DLGAP2: variants seen among roughly 807,000 people sequenced by gnomAD.
DLGAP2 encodes DLG associated protein 2.
DLGAP2 carries 26 observed loss-of-function variants against 100.3 expected under a neutral mutation model. The observed-to-expected ratio is 0.26, with a 90% CI of 0.19 to 0.36. DLGAP2 has a LOEUF of 0.36. DLGAP2 is among the 10% of genes least tolerant of loss of function. DLGAP2 has a pLI of 1.00. For synonymous variants in DLGAP2, 886 were observed against 630.1 expected, an observed-to-expected ratio of 1.41 and a Z score of -6.08; for missense variants, 1,858 against 1,453.2, an observed-to-expected ratio of 1.28 and a Z score of -4.53.
Position 1,706,827 on chromosome 8 carries a change from C to T in DLGAP2, c.*5421C>T, listed in dbSNP as rs1000332569. 2.0e-5 allele frequency: 3 copies of T among 152,194 alleles called. No individual in the cohort carries two copies. The highest frequency in any genetic ancestry group is 7.2e-5 in the African/African-American group (3 of 41,454). The allele number at this position is 152,194 out of a possible 1,614,324, so 9.4% of individuals were successfully genotyped here. A position where few individuals can be genotyped will look rare whatever the true frequency, so the allele number is the denominator to read the frequency against. On this transcript the variant is annotated 3_prime_UTR_variant, in exon 15 of 15. Coordinates refer to ENST00000637795, the MANE Select transcript of DLGAP2 (RefSeq NM_001346810.2). Reference sequence around the variant, plus strand: ...ACCACGCAAGGGTTTGAGAAGCCCACCCCTCTAATTCCAGGCGTTTGTAAT... The same window carrying T: ...ACCACGCAAGGGTTTGAGAAGCCCATCCCTCTAATTCCAGGCGTTTGTAAT...
At chr8:1,193,189 G>T (rs973232053) in intron 2 of DLGAP2, among the ~76,000 whole-genome samples, 2 of 152,256 alleles carry the variant, frequency 1.3e-5, no homozygotes, top group Middle Eastern at 3.4e-3. Flanking sequence ...TATATAACCG[G>T]TAATGGGATT....
Position 1,549,319 on chromosome 8 carries a change from C to T in DLGAP2, c.866C>T (p.Pro289Leu). 1 of 1,612,986 alleles carries T rather than the reference C, an allele frequency of 6.2e-7. No individual in the cohort carries two copies. The highest frequency in any genetic ancestry group is 8.5e-7 in the Non-Finnish European group (1 of 1,179,674). Residue 289 changes from proline (P) to leucine (L), a missense_variant, in exon 5 of 15, where the codon CCC becomes CTC. By Grantham distance (98) the Pro-to-Leu change is moderately conservative. Transcript: ENST00000637795. ...AAGGAGCGCAAGCCGGAGGGCAAGC[C>T]CCGGCCCGGCATGAGCAGCTGGTGG... ...KSKERKPEGK[P>L]RPGMSSWWSS...
intron 2 of DLGAP2, among the ~76,000 whole-genome samples, chr8:961,065 C>G (rs1011900146): frequency 6.7e-6 from 1 of 148,810 alleles, no homozygotes; most frequent in Non-Finnish European, 1.5e-5. Flanking sequence ...AGTGGTGGCT[C>G]TCTCATGTTG....
chr8:1,057,379 A>G (rs752240598), intron 2 of DLGAP2, among the ~76,000 whole-genome samples: 3 of 152,366 alleles, frequency 2.0e-5, no homozygotes, highest in African/African-American at 4.8e-5. Context: ...TGTTAATCCA[A>G]ACATTCAAAT....
At chr8:1,331,429 A>G (rs1801155567) in intron 3 of DLGAP2, among the ~76,000 whole-genome samples, 1 of 152,020 alleles carries the variant, frequency 6.6e-6, no homozygotes, top group African/African-American at 2.4e-5. Context: ...TCCCCTTTGC[A>G]AACCTGCCCT....
intron 1 of DLGAP2, among the ~76,000 whole-genome samples, chr8:796,604 A>G (rs1484782039): frequency 1.3e-5 from 2 of 152,140 alleles, no homozygotes; most frequent in Non-Finnish European, 2.9e-5. Context: ...CTGCAGCCTC[A>G]GAGCCTAGCA....
intron 3 of DLGAP2, among the ~76,000 whole-genome samples, chr8:1,283,185 C>G (rs992888303): frequency 2.7e-5 from 4 of 149,870 alleles, no homozygotes; most frequent in Non-Finnish European, 5.9e-5. Context: ...GAACCCAGCA[C>G]GTGAACCATC....
chr8:1,438,115 G>C (rs183700992), intron 3 of DLGAP2, among the ~76,000 whole-genome samples: 1 of 152,222 alleles, frequency 6.6e-6, no homozygotes, highest in Non-Finnish European at 1.5e-5. Flanking sequence ...CCAGAAGTCA[G>C]TACTCCTGTC....
At chr8:1,354,413 T>C (rs1801802300) in intron 3 of DLGAP2, among the ~76,000 whole-genome samples, 2 of 152,156 alleles carry the variant, frequency 1.3e-5, no homozygotes, top group Admixed American at 6.5e-5. Flanking sequence ...CTCGGGAGAC[T>C]GAGGCACCAG....
intron 2 of DLGAP2, among the ~76,000 whole-genome samples, chr8:1,209,780 G>T (rs912217281): frequency 7.2e-5 from 11 of 152,146 alleles, no homozygotes; most frequent in Non-Finnish European, 1.0e-4. Flanking sequence ...TTGCACAACT[G>T]TGATGGTCTG....
chr8:926,921 C>G (rs1174501664), intron 2 of DLGAP2: 3 of 693,666 alleles, frequency 4.3e-6, no homozygotes, highest in Non-Finnish European at 5.3e-6. Context: ...CAGGTGTTCC[C>G]TGAGCCGGAT....
At chr8:1,282,839 C>T (rs60137070) in intron 3 of DLGAP2, among the ~76,000 whole-genome samples, 7 of 84,808 alleles carry the variant, frequency 8.3e-5, no homozygotes, top group African/African-American at 1.2e-4. Flanking sequence ...GAACCCAGCA[C>T]GTGAAGCATC....
At chr8:1,164,476 C>T (rs906590348) in intron 2 of DLGAP2, among the ~76,000 whole-genome samples, 5 of 152,072 alleles carry the variant, frequency 3.3e-5, no homozygotes, top group East Asian at 1.9e-4. Flanking sequence ...CACTGGCTGA[C>T]GTCCTGTTGG....
intron 3 of DLGAP2, among the ~76,000 whole-genome samples, chr8:1,265,953 G>A (rs1229882041): frequency 2.0e-5 from 3 of 152,184 alleles, no homozygotes; most frequent in African/African-American, 7.2e-5. Flanking sequence ...ATGATAAACG[G>A]AATCTGCTCC....
intron 6 of DLGAP2, among the ~76,000 whole-genome samples, chr8:1,572,061 G>T (rs528628136): frequency 7.3e-6 from 1 of 137,086 alleles, no homozygotes; most frequent in Admixed American, 7.1e-5. Flanking sequence ...TGTCTGATGA[G>T]ATGGAGAGGA....
At chr8:1,605,874 T>C (rs183903769) in intron 6 of DLGAP2, among the ~76,000 whole-genome samples, 234 of 152,352 alleles carry the variant, frequency 1.5e-3, no homozygotes, top group African/African-American at 5.3e-3. Context: ...AAGCAACACA[T>C]GCCAAATTTG....
intron 2 of DLGAP2, among the ~76,000 whole-genome samples, chr8:1,099,596 C>G (rs1230235784): frequency 6.6e-6 from 1 of 152,140 alleles, no homozygotes; most frequent in Non-Finnish European, 1.5e-5. Context: ...GAAAAGTGTT[C>G]GGATGTGTTT....
intron 2 of DLGAP2, among the ~76,000 whole-genome samples, chr8:1,219,483 A>G (rs1466270889): frequency 1.3e-5 from 2 of 152,200 alleles, no homozygotes; most frequent in Non-Finnish European, 2.9e-5. Context: ...ACCGTGGTGG[A>G]TTAGCATCTT....
chr8:1,529,473 C>T (rs1052565050), intron 4 of DLGAP2, among the ~76,000 whole-genome samples: 1 of 152,144 alleles, frequency 6.6e-6, no homozygotes, highest in Admixed American at 6.5e-5. Flanking sequence ...ACTTCAGAAG[C>T]AACAGGAGAG....
Sources: gnomAD v4.1 joint callset for allele counts (sites outside exome capture counted in the v4.1 genomes callset) on GRCh38, gnomAD v4.1.1 for gene constraint, MANE v1.5 for transcripts, NCBI Gene and HGNC (gene_info 2026-07-23, HGNC 2026-07-21) for gene names.